Variants in SLC8A3 observed in about 807,000 individuals in gnomAD.
The protein encoded by SLC8A3 is sodium/calcium exchanger 3.
A neutral mutation model predicts 65.4 loss-of-function variants in SLC8A3; 37 were observed. The observed-to-expected ratio is 0.57, with a 90% CI of 0.44 to 0.74. The LOEUF is 0.74. Ranked by LOEUF, SLC8A3 falls within the 30% of genes least tolerant of loss-of-function variation. SLC8A3 has a pLI of 0.00. For missense variants in SLC8A3, 1,112 were observed against 1,172.1 expected (o/e 0.95, Z 0.75); for synonymous variants, 461 against 444.5 (o/e 1.04, Z -0.47).
intron 2 of SLC8A3, among the ~76,000 whole-genome samples, chr14:70,158,253 G>A (rs901652733): frequency 5.3e-5 from 8 of 152,184 alleles, no homozygotes; most frequent in South Asian, 2.1e-4. Context: ...ATGAAGATCC[G>A]CAGCCAGGGC....
intron 2 of SLC8A3, among the ~76,000 whole-genome samples, chr14:70,112,596 A>C (rs1404775447): frequency 6.6e-6 from 1 of 152,192 alleles, no homozygotes; most frequent in African/African-American, 2.4e-5. Flanking sequence ...ATTTGTTCTC[A>C]TGGGCTTCCC....
Position 70,188,939 on chromosome 14 carries a change from G to A in SLC8A3, c.-623C>T, listed in dbSNP as rs551456800. 7 of 152,228 alleles carry A rather than the reference G, an allele frequency of 4.6e-5. No individual in the cohort carries two copies. The South Asian group carries it at 1.5e-3, about 32-fold the overall frequency. The allele number at this position is 152,228 out of a possible 1,614,324, so 9.4% of individuals were successfully genotyped here. On this transcript the variant is annotated 5_prime_UTR_variant, in exon 1 of 7. Transcript: ENST00000356921. Reference sequence around the variant, plus strand: ...TCTCGGCCTCGCCGCGCGCAGAGGGGACGCGCGGAGAGGCTGGTTTCTGGG... The same window carrying A: ...TCTCGGCCTCGCCGCGCGCAGAGGGAACGCGCGGAGAGGCTGGTTTCTGGG...
chr14:70,149,800 C>G (rs1261724123), intron 2 of SLC8A3, among the ~76,000 whole-genome samples: 1 of 152,170 alleles, frequency 6.6e-6, no homozygotes, highest in Non-Finnish European at 1.5e-5. Context: ...TTTCTACATT[C>G]CATCTTTCTT....
chr14:70,126,027 G>A (rs1450621092), intron 2 of SLC8A3, among the ~76,000 whole-genome samples: 1 of 152,162 alleles, frequency 6.6e-6, no homozygotes, highest in Non-Finnish European at 1.5e-5. Context: ...TTTCTAAGGT[G>A]CATCAGATTC....
intron 1 of SLC8A3, among the ~76,000 whole-genome samples, chr14:70,170,047 A>G (rs1897416989): frequency 6.6e-6 from 1 of 152,122 alleles, no homozygotes; most frequent in South Asian, 2.1e-4. Flanking sequence ...TCACCACTCC[A>G]ACTCTCACTA....
At chr14:70,075,559 T>C (rs748025398) in intron 2 of SLC8A3, among the ~76,000 whole-genome samples, 3 of 152,086 alleles carry the variant, frequency 2.0e-5, no homozygotes, top group South Asian at 2.1e-4. Context: ...CCGCGCTTAT[T>C]TGTCAGCGTG....
At chr14:70,129,999 C>A (rs1894714290) in intron 2 of SLC8A3, among the ~76,000 whole-genome samples, 1 of 152,226 alleles carries the variant, frequency 6.6e-6, no homozygotes, top group Non-Finnish European at 1.5e-5. Context: ...AAATTTCTTC[C>A]ATAGTCACCA....
intron 1 of SLC8A3, among the ~76,000 whole-genome samples, chr14:70,172,379 A>G (rs886661108): frequency 1.3e-5 from 2 of 152,230 alleles, no homozygotes; most frequent in African/African-American, 4.8e-5. Context: ...TCACAGACAG[A>G]TGACATAAAG....
intron 2 of SLC8A3, among the ~76,000 whole-genome samples, chr14:70,121,285 G>T (rs899262178): frequency 6.6e-6 from 1 of 152,168 alleles, no homozygotes; most frequent in Non-Finnish European, 1.5e-5. Context: ...AGGGGTATTT[G>T]AAGAAGCATC....
intron 2 of SLC8A3, among the ~76,000 whole-genome samples, chr14:70,137,914 T>C (rs555365568): frequency 6.6e-6 from 1 of 152,178 alleles, no homozygotes; most frequent in South Asian, 2.1e-4. Context: ...GGCTTGTCCT[T>C]TAAGCAAGTC....
intron 1 of SLC8A3, among the ~76,000 whole-genome samples, chr14:70,188,128 A>G (rs1435198000): frequency 1.3e-5 from 2 of 151,700 alleles, no homozygotes; most frequent in African/African-American, 4.9e-5. Context: ...TCCTGTAGAC[A>G]CCCACTCTGC....
intron 2 of SLC8A3, among the ~76,000 whole-genome samples, chr14:70,066,135 G>A (rs1439442319): frequency 6.6e-6 from 1 of 152,196 alleles, no homozygotes; most frequent in Non-Finnish European, 1.5e-5. Flanking sequence ...TCAGAGCAAG[G>A]AATGAATGGA....
chr14:70,141,395 T>C (rs2140270272), intron 2 of SLC8A3, among the ~76,000 whole-genome samples: 2 of 152,354 alleles, frequency 1.3e-5, no homozygotes, highest in East Asian at 3.9e-4. Context: ...AGCTAGCACA[T>C]GAAAGATCCA....
intron 2 of SLC8A3, among the ~76,000 whole-genome samples, chr14:70,166,374 G>C (rs1897160840): frequency 6.6e-6 from 1 of 152,174 alleles, no homozygotes; most frequent in Non-Finnish European, 1.5e-5. Flanking sequence ...CTATCATTTT[G>C]TGTTTCAGAG....
At chr14:70,181,028 G>A (rs1224643000) in intron 1 of SLC8A3, among the ~76,000 whole-genome samples, 1 of 152,184 alleles carries the variant, frequency 6.6e-6, no homozygotes, top group Non-Finnish European at 1.5e-5. Flanking sequence ...CTTAGCAGGA[G>A]ACAATCTGTA....
intron 3 of SLC8A3, among the ~76,000 whole-genome samples, chr14:70,054,247 T>C (rs1887825628): frequency 7.1e-6 from 1 of 141,506 alleles, no homozygotes; most frequent in Non-Finnish European, 1.5e-5. Flanking sequence ...GCAAGGCGCC[T>C]GAGCTTGGGG....
At chr14:70,098,516 A>C (rs1007834360) in intron 2 of SLC8A3, among the ~76,000 whole-genome samples, 15 of 152,206 alleles carry the variant, frequency 9.9e-5, no homozygotes, top group African/African-American at 3.6e-4. Context: ...GCAGGGAAGC[A>C]GGTGGAGAAG....
intron 2 of SLC8A3, among the ~76,000 whole-genome samples, chr14:70,082,653 T>C (rs1260442439): frequency 6.6e-6 from 1 of 152,162 alleles, no homozygotes; most frequent in Non-Finnish European, 1.5e-5. Context: ...CTGTCTTCTC[T>C]CACCTTGCCC....
rs772134119 is a variant in SLC8A3, at chr14:70,168,013, G to A, written c.410C>T (p.Thr137Ile). 2 of 1,614,144 alleles carry A rather than the reference G, an allele frequency of 1.2e-6. No individual in the cohort carries two copies. Among genetic ancestry groups the A allele is most frequent in the South Asian group, 2.2e-5 (2 of 91,076 alleles). The part of the protein sequence containing the change: ...RVWNETVSNL[T>I]LMALGSSAPE... ...AGCAGAGGAACCCAGGGCCATAAGG[G>A]TCAGGTTGGAGACAGTTTCATTCCA... The change falls in exon 2 of 7, where the codon ACC becomes ATC. Residue 137 changes from threonine to isoleucine, a missense_variant. By Grantham distance (89) the Thr-to-Ile change is moderately conservative. Coordinates refer to ENST00000356921, the MANE Select transcript of SLC8A3 (RefSeq NM_182932.3).
Sources: allele counts gnomAD v4.1 joint callset (sites outside exome capture counted in the v4.1 genomes callset), GRCh38; gene constraint gnomAD v4.1.1; transcripts MANE v1.5; gene names NCBI Gene and HGNC (gene_info 2026-07-23, HGNC 2026-07-21).